The following MCTP1 variants were observed in gnomAD, a reference collection of about 807,000 sequenced individuals.
MCTP1 encodes multiple C2 and transmembrane domain-containing protein 1.
In MCTP1, 69 loss-of-function variants were observed where a neutral mutation model predicts 120.6. The observed-to-expected ratio is 0.57, with a 90% CI of 0.47 to 0.70. The LOEUF is 0.70. Among genes scored for constraint, MCTP1 ranks in the 30% least tolerant of loss-of-function variants. The probability of loss-of-function intolerance (pLI) is 0.00; values close to 1 mark genes in which losing one functional copy is unlikely to be tolerated. For synonymous variants in MCTP1, 529 were observed against 493.1 expected (o/e 1.07, Z -0.96); for missense variants, 1,203 against 1,248.8 (o/e 0.96, Z 0.55).
chr5:94,996,955 T>A (rs543116240), intron 2 of MCTP1, among the ~76,000 whole-genome samples: 1 of 152,308 alleles, frequency 6.6e-6, no homozygotes, highest in African/African-American at 2.4e-5. Flanking sequence ...TTTATTGTTT[T>A]ACCTTGTCAA....
intron 11 of MCTP1, among the ~76,000 whole-genome samples, chr5:94,894,327 A>T (rs1581224624): frequency 6.6e-6 from 1 of 152,236 alleles, no homozygotes; most frequent in African/African-American, 2.4e-5. Context: ...AAGAATCAAT[A>T]AATTAATTTT....
At chr5:94,756,973 G>A (rs1012568344) in intron 19 of MCTP1, among the ~76,000 whole-genome samples, 16 of 152,130 alleles carry the variant, frequency 1.1e-4, no homozygotes, top group African/African-American at 3.9e-4. Context: ...ATGGCATGCT[G>A]TTTTAAAGTA....
At chr5:94,903,016 A>G (rs1746954292) in intron 10 of MCTP1, among the ~76,000 whole-genome samples, 1 of 152,218 alleles carries the variant, frequency 6.6e-6, no homozygotes, top group African/African-American at 2.4e-5. Flanking sequence ...TCATGAAAGA[A>G]AAGGGATTAA....
intron 12 of MCTP1, among the ~76,000 whole-genome samples, chr5:94,874,346 G>T (rs1798359141): frequency 6.6e-6 from 1 of 152,086 alleles, no homozygotes; most frequent in South Asian, 2.1e-4. Flanking sequence ...TTAGCTATCA[G>T]TGACAGATAA....
At chr5:94,772,325 C>T (rs1774273163) in intron 19 of MCTP1, among the ~76,000 whole-genome samples, 1 of 152,164 alleles carries the variant, frequency 6.6e-6, no homozygotes, top group African/African-American at 2.4e-5. Flanking sequence ...GCTGGGAGAG[C>T]TCTACCTTTA....
intron 1 of MCTP1, among the ~76,000 whole-genome samples, chr5:95,118,279 TTTTG>T (rs1363584652): frequency 6.6e-6 from 1 of 152,210 alleles, no homozygotes; most frequent in Non-Finnish European, 1.5e-5. Flanking sequence ...TTAGTTTTCT[TTTTG>T]TTTGTTTGTT....
intron 17 of MCTP1, among the ~76,000 whole-genome samples, chr5:94,837,315 A>T (rs1790014774): frequency 6.6e-6 from 1 of 152,200 alleles, no homozygotes; most frequent in Non-Finnish European, 1.5e-5. Flanking sequence ...CAGGAGATTG[A>T]AACTGCAGTG....
At chr5:94,734,757 AG>A (rs1203633506) in intron 19 of MCTP1, among the ~76,000 whole-genome samples, 2 of 152,144 alleles carry the variant, frequency 1.3e-5, no homozygotes, top group Non-Finnish European at 1.5e-5. Context: ...CATCATGCCT[AG>A]TCTCTTTCTT....
At chr5:94,981,797 G>T (rs1829470173) in intron 2 of MCTP1, among the ~76,000 whole-genome samples, 1 of 152,158 alleles carries the variant, frequency 6.6e-6, no homozygotes, top group African/African-American at 2.4e-5. Flanking sequence ...TTCTAACATT[G>T]CTGGAGCTAG....
rs1233671435 is a variant in MCTP1, at chr5:95,107,591, A to G, written c.721-90107T>C. Among the ~76,000 whole-genome samples, 3 of 152,370 alleles carry G rather than the reference A, an allele frequency of 2.0e-5. No individual in the cohort carries two copies. In the East Asian group the frequency reaches 5.8e-4, roughly 29 times the overall value. On this transcript the variant is annotated intron_variant, in intron 1 of 22. Transcript: ENST00000515393. ...AAGCCTAAGTAAAGCTAAAAAGTAA[A>G]TAAAGTTCTGCCTCAGCCTCCACTT...
chr5:95,215,569 C>G (rs1562246264), intron 1 of MCTP1, among the ~76,000 whole-genome samples: 2 of 151,946 alleles, frequency 1.3e-5, no homozygotes, highest in East Asian at 1.9e-4. Flanking sequence ...TATTTTCCTC[C>G]TTTTTTTTCT....
chr5:94,744,845 G>T (rs2152769131), intron 19 of MCTP1, among the ~76,000 whole-genome samples: 2 of 152,138 alleles, frequency 1.3e-5, no homozygotes, highest in South Asian at 4.1e-4. Context: ...TACATCCCGA[G>T]ATTTGATACC....
chr5:94,932,043 G>T (rs779166979), intron 5 of MCTP1, 52 bp from the exon 6 acceptor site: 23 of 1,281,052 alleles, frequency 1.8e-5, no homozygotes, highest in Non-Finnish European at 2.5e-5. Flanking sequence ...GAACAGAATA[G>T]GGCAGCCAGT....
At chr5:95,142,788 G>T (rs1228410746) in intron 1 of MCTP1, among the ~76,000 whole-genome samples, 1 of 152,128 alleles carries the variant, frequency 6.6e-6, no homozygotes, top group Admixed American at 6.6e-5. Context: ...AGCATAGATA[G>T]CATGAAACCT....
At chr5:95,239,454 T>A (rs1374650650) in intron 1 of MCTP1, among the ~76,000 whole-genome samples, 5 of 152,212 alleles carry the variant, frequency 3.3e-5, no homozygotes, top group Non-Finnish European at 7.3e-5. Flanking sequence ...AGAGTTTAAT[T>A]AAAGATGTTG....
intron 17 of MCTP1, among the ~76,000 whole-genome samples, chr5:94,838,694 T>C (rs1404312448): frequency 6.6e-6 from 1 of 152,206 alleles, no homozygotes; most frequent in African/African-American, 2.4e-5. Context: ...GCCAGATACA[T>C]AGGAAGTGCT....
At chr5:94,960,000 T>A (rs1195075716) in intron 2 of MCTP1, among the ~76,000 whole-genome samples, 2 of 152,102 alleles carry the variant, frequency 1.3e-5, no homozygotes, top group Non-Finnish European at 2.9e-5. Flanking sequence ...GGATGCATCA[T>A]GCTACCTGAC....
At chr5:95,113,965 G>C (rs1208649181) in intron 1 of MCTP1, among the ~76,000 whole-genome samples, 2 of 152,054 alleles carry the variant, frequency 1.3e-5, no homozygotes, top group Admixed American at 1.3e-4. Context: ...AGCAGGATAG[G>C]GTACCAGTGA....
chr5:94,707,550 C>A lies in MCTP1; in HGVS notation c.2946G>T (p.Leu982=), dbSNP rs751995430. ...SDVQVVQYQE[L]KPDPSHSPYK... is the part of the protein sequence containing the mutation. ...ATGGGCTATGAGAAGGATCTGGTTT[C>A]AGTTCTTGGTATTGCACCTGTTTAA... is the stretch of plus-strand genomic sequence containing the variant. The change falls in exon 23 of 23, where the codon CTG becomes CTT. Residue 982 remains leucine (L), a synonymous_variant. Transcript: ENST00000515393. 1 of 1,611,708 alleles carries A rather than the reference C, an allele frequency of 6.2e-7. No homozygotes were observed. The highest frequency in any genetic ancestry group is 1.7e-5 in the Admixed American group (1 of 59,844).
Sources: gnomAD v4.1 joint callset for allele counts (sites outside exome capture counted in the v4.1 genomes callset) on GRCh38, gnomAD v4.1.1 for gene constraint, MANE v1.5 for transcripts, NCBI Gene and HGNC (gene_info 2026-07-23, HGNC 2026-07-21) for gene names.